FANCC: variants seen among roughly 807,000 people sequenced by gnomAD.
FANCC encodes the protein Fanconi anemia group C protein.
In FANCC, 55 loss-of-function variants were observed where a neutral mutation model predicts 71.3. That is an observed-to-expected ratio of 0.77 (90% CI 0.62 to 0.97). FANCC has a LOEUF of 0.97. FANCC is among the 50% of genes least tolerant of loss of function. The probability of loss-of-function intolerance (pLI) is 0.00; values close to 1 mark genes in which losing one functional copy is unlikely to be tolerated. For synonymous variants in FANCC, 275 were observed against 244.9 expected (o/e 1.12, Z -1.15); for missense variants, 678 against 670.9 (o/e 1.01, Z -0.12).
intron 6 of FANCC, among the ~76,000 whole-genome samples, chr9:95,159,475 T>C (rs1161246437): frequency 2.0e-5 from 3 of 152,248 alleles, no homozygotes; most frequent in East Asian, 3.8e-4. Context: ...CTATTGTGAA[T>C]AGTGCCGCAA....
At chr9:95,193,983 C>T (rs1479700087) in intron 4 of FANCC, among the ~76,000 whole-genome samples, 3 of 152,126 alleles carry the variant, frequency 2.0e-5, no homozygotes, top group African/African-American at 7.2e-5. Context: ...CTTCTGAGTC[C>T]ACCCTGTTAC....
At chr9:95,150,604 C>T (rs998076269) in intron 6 of FANCC, among the ~76,000 whole-genome samples, 5 of 152,194 alleles carry the variant, frequency 3.3e-5, no homozygotes, top group Non-Finnish European at 4.4e-5. Context: ...TATAGTTTAA[C>T]ATCAGAACAG....
In FANCC at chr9:95,209,288, T is replaced by C. The variant is rs556430427; in HGVS notation, c.345+31361A>G. Among the ~76,000 whole-genome samples the C allele has an allele frequency of 9.8e-5, 15 of 152,338 alleles. No homozygotes were observed. The South Asian group carries it at 2.7e-3, about 27-fold the overall frequency. ...AGGGCAGTGAAACTACGCTGTATGA[T>C]ACTGTAATGGTGGATATGTGTCATT... On this transcript the variant is annotated intron_variant, in intron 4 of 14. Coordinates refer to ENST00000289081, the MANE Select transcript of FANCC (RefSeq NM_000136.3).
intron 1 of FANCC, chr9:95,292,782 T>G: frequency 6.6e-7 from 1 of 1,525,504 alleles, no homozygotes; most frequent in Non-Finnish European, 9.1e-7. Flanking sequence ...TTCTCAGTTT[T>G]CTCTCGTAAA....
intron 6 of FANCC, among the ~76,000 whole-genome samples, chr9:95,155,066 G>T (rs1313750725): frequency 1.3e-5 from 2 of 150,076 alleles, no homozygotes; most frequent in African/African-American, 2.5e-5. Context: ...AATTAGCTGG[G>T]TGTGGTGGCA....
chr9:95,291,254 G>A (rs1001774884), intron 1 of FANCC, among the ~76,000 whole-genome samples: 8 of 152,016 alleles, frequency 5.3e-5, no homozygotes, highest in African/African-American at 1.9e-4. Context: ...GAAAGAAAGG[G>A]CATCCAAACT....
At chr9:95,184,877 C>A (rs1420385048) in intron 4 of FANCC, among the ~76,000 whole-genome samples, 1 of 152,212 alleles carries the variant, frequency 6.6e-6, no homozygotes, top group Non-Finnish European at 1.5e-5. Context: ...TCTGGCTGAA[C>A]GTCCTAAAGG....
In FANCC at chr9:95,140,540, G is replaced by A. The variant is rs141262450; in HGVS notation, c.687-5038C>T. ...TAAATTCTTCACAAGAAAGGTTCTT[G>A]ATGAGGGAGGCCCATCTGAGAGGTT... On this transcript the variant is annotated intron_variant, in intron 7 of 14. Coordinates refer to ENST00000289081, the MANE Select transcript of FANCC (RefSeq NM_000136.3). 6.6e-4 allele frequency among the ~76,000 whole-genome samples: 100 copies of A among 152,280 alleles called. 1 individual carries two copies. In the East Asian group the frequency reaches 0.017, roughly 26 times the overall value.
intron 4 of FANCC, among the ~76,000 whole-genome samples, chr9:95,209,840 C>G (rs963076367): frequency 6.6e-6 from 1 of 152,210 alleles, no homozygotes; most frequent in Admixed American, 6.5e-5. Flanking sequence ...TACTTCCACT[C>G]TGGCCTGCTC....
chr9:95,147,395 A>G (rs1270698611), intron 7 of FANCC, among the ~76,000 whole-genome samples: 1 of 152,190 alleles, frequency 6.6e-6, no homozygotes, highest in Non-Finnish European at 1.5e-5. Context: ...GCATGCCTGT[A>G]ATCCCAGCTA....
chr9:95,198,727 AT>A (rs1181515244), intron 4 of FANCC, among the ~76,000 whole-genome samples: 1 of 151,926 alleles, frequency 6.6e-6, no homozygotes, highest in African/African-American at 2.4e-5. Context: ...TCTTATTAAA[AT>A]TTTTTTTGTG....
At chr9:95,313,076 A>C (rs1341453103) in intron 1 of FANCC, among the ~76,000 whole-genome samples, 1 of 152,200 alleles carries the variant, frequency 6.6e-6, no homozygotes, top group Admixed American at 6.5e-5. Flanking sequence ...AAGAGCCTGC[A>C]CTGGGGAAGA....
chr9:95,227,506 G>A (rs985109795), intron 4 of FANCC, among the ~76,000 whole-genome samples: 1 of 152,174 alleles, frequency 6.6e-6, no homozygotes, highest in Non-Finnish European at 1.5e-5. Context: ...GGAGACGACT[G>A]ACAGAAGTGT....
chr9:95,295,455 A>C (rs775301969), intron 1 of FANCC, among the ~76,000 whole-genome samples: 18 of 152,246 alleles, frequency 1.2e-4, no homozygotes, highest in Non-Finnish European at 2.5e-4. Context: ...ACTTTTCTTC[A>C]AAGAAGACAA....
chr9:95,099,809 G>A lies in FANCC; in HGVS notation c.*1898C>T, dbSNP rs2071018744. ...TGGGAGATTCTGCAGATGGGCCGAG[G>A]TCAGGGCTTCCAGGCTAGGAAGAAG... On this transcript the variant is annotated 3_prime_UTR_variant, in exon 15 of 15. Coordinates refer to ENST00000289081, the MANE Select transcript of FANCC (RefSeq NM_000136.3). 4.3e-6 allele frequency: 1 copy of A among 232,498 alleles called. No individual in the cohort carries two copies. Among genetic ancestry groups the A allele is most frequent in the Non-Finnish European group, 8.5e-6 (1 of 117,672 alleles). The allele number at this position is 232,498 out of a possible 1,614,324, so 14.4% of individuals were successfully genotyped here.
At chr9:95,106,813 T>C (rs1171788201) in intron 14 of FANCC, among the ~76,000 whole-genome samples, 2 of 152,192 alleles carry the variant, frequency 1.3e-5, no homozygotes, top group African/African-American at 2.4e-5. Flanking sequence ...ACCGCAGGCT[T>C]TGGCAGCAAG....
chr9:95,121,877 A>AGAT (rs2072910675), intron 10 of FANCC, among the ~76,000 whole-genome samples: 2 of 140,162 alleles, frequency 1.4e-5, no homozygotes, highest in South Asian at 2.2e-4. Flanking sequence ...TTTTTTTTTG[A>AGAT]GATGGAGTCT....
At chr9:95,300,406 T>C (rs772820972) in intron 1 of FANCC, among the ~76,000 whole-genome samples, 1 of 150,352 alleles carries the variant, frequency 6.7e-6, no homozygotes, top group Admixed American at 6.6e-5. Flanking sequence ...GATAAGGCAA[T>C]GTCAGGTGAT....
At chr9:95,252,274 C>CAAAAAAAAAAAAA (rs71366284) in intron 1 of FANCC, among the ~76,000 whole-genome samples, 44 of 50,006 alleles carry the variant, frequency 8.8e-4, no homozygotes, top group Admixed American at 1.7e-3. Context: ...GAGACTGATT[C>CAAAAAAAAAAAAA]AAAAAAAAAA....
Sources: gnomAD v4.1 joint callset for allele counts (sites outside exome capture counted in the v4.1 genomes callset) on GRCh38, gnomAD v4.1.1 for gene constraint, MANE v1.5 for transcripts, NCBI Gene and HGNC (gene_info 2026-07-23, HGNC 2026-07-21) for gene names.